The following RAD9A variants were observed in gnomAD, a reference collection of about 807,000 sequenced individuals.
The protein encoded by RAD9A is cell cycle checkpoint control protein RAD9A.
RAD9A carries 25 observed loss-of-function variants against 41.2 expected under a neutral mutation model. That is an observed-to-expected ratio of 0.61 (90% CI 0.44 to 0.85). RAD9A has a LOEUF of 0.85. Ranked by LOEUF, RAD9A falls within the 40% of genes least tolerant of loss-of-function variation. The pLI is 0.00. For missense variants in RAD9A, 514 were observed against 518.3 expected (o/e 0.99, Z 0.08); for synonymous variants, 252 against 210.6 (o/e 1.20, Z -1.70).
chr11:67,394,546 T>C (rs1234279106), intron 5 of RAD9A, among the ~76,000 whole-genome samples: 2 of 152,208 alleles, frequency 1.3e-5, no homozygotes, highest in African/African-American at 4.8e-5. Flanking sequence ...CCAGGTTCTT[T>C]TGAGCCAGCA....
intron 3 of RAD9A, 51 bp from the exon 4 acceptor site, chr11:67,393,445 G>A: frequency 6.2e-7 from 1 of 1,603,818 alleles, no homozygotes; most frequent in Non-Finnish European, 8.5e-7. Flanking sequence ...TGGGACAGGA[G>A]AGCTTGTTGC....
intron 2 of RAD9A, 106 bp downstream of exon 2, chr11:67,392,337 G>A (rs1862551492): frequency 9.2e-7 from 1 of 1,085,492 alleles, no homozygotes; most frequent in Non-Finnish European, 1.3e-6. Context: ...CAGATTTGTC[G>A]GCAAAGTTTC....
At position 67,395,786 on chromosome 11, in the gene RAD9A, C is replaced by T. The variant is rs770419460; in HGVS notation, c.520C>T (p.Arg174Cys). Residue 174 changes from arginine (R) to cysteine (C), a missense_variant, in exon 6 of 11, where the codon CGC becomes TGC. Physicochemically the swap from Arg to Cys is radical, Grantham distance 180 (BLOSUM62 -3). Coordinates refer to ENST00000307980, the MANE Select transcript of RAD9A (RefSeq NM_004584.3). Reference protein sequence around the residue: ...AEVTLGIGRGRRVILRSYHEE... With the variant: ...AEVTLGIGRGCRVILRSYHEE... ...AGTGACGCTGGGCATTGGCCGTGGC[C>T]GCAGGGTCATCCTGCGCAGCTACCA... 34 of 1,613,736 alleles carry T rather than the reference C, an allele frequency of 2.1e-5. No homozygotes were observed. Among genetic ancestry groups the T allele is most frequent in the Admixed American group, 3.3e-5 (2 of 59,992 alleles).
In RAD9A at chr11:67,393,490, A is replaced by G. The variant is rs2066496; in HGVS notation, c.235-6A>G. On this transcript the variant is annotated splice_region_variant and splice_polypyrimidine_tract_variant and intron_variant, in intron 3 of 10. Transcript: ENST00000307980. ...ATGCTAGGCTGAGGTGTCTTATCCC[A>G]TGCAGTCTTTCCTGTCTGTCTTCCG... 0.083 allele frequency: 134,105 copies of G among 1,613,762 alleles called. 8,143 individuals are homozygous for G. The highest frequency in any genetic ancestry group is 0.29 in the African/African-American group (21,617 of 74,908).
At position 67,392,249 on chromosome 11, in the gene RAD9A, G is replaced by C. The variant is rs774501120; in HGVS notation, c.105+18G>C. ...AGGACGGGGTGAGGGGCTAGGGTGTGGGGGGCGGGTGGGACTCCAGCCGGG... is the reference window on the plus strand; with the variant it reads ...AGGACGGGGTGAGGGGCTAGGGTGTCGGGGGCGGGTGGGACTCCAGCCGGG... On this transcript the variant is annotated intron_variant, in intron 2 of 10. Transcript: ENST00000307980. 6 of 1,523,286 alleles carry C rather than the reference G, an allele frequency of 3.9e-6. No individual in the cohort carries two copies. The highest frequency in any genetic ancestry group is 5.4e-6 in the Non-Finnish European group (6 of 1,110,904). The allele number at this position is 1,523,286 out of a possible 1,614,324, so 94.4% of individuals were successfully genotyped here.
chr11:67,391,990 C>T lies in RAD9A; in HGVS notation c.-55C>T, dbSNP rs1312688287. On this transcript the variant is annotated 5_prime_UTR_variant, in exon 1 of 11. Transcript: ENST00000307980. The stretch of plus-strand genomic sequence containing the variant: ...CGGTGCGCGGGAAGGGACCCCGGAC[C>T]CGGAGGTCGCGGAGAGCTGGGCAGT... 3.9e-6 allele frequency: 6 copies of T among 1,528,774 alleles called. No individual in the cohort carries two copies. The highest frequency in any genetic ancestry group is 3.6e-5 in the South Asian group (3 of 82,830). The allele number at this position is 1,528,774 out of a possible 1,614,324, so 94.7% of individuals were successfully genotyped here. A position where few individuals can be genotyped will look rare whatever the true frequency, so the allele number is the denominator to read the frequency against.
At chr11:67,395,446 C>T (rs1031745064) in intron 5 of RAD9A, 2 of 490,090 alleles carry the variant, frequency 4.1e-6, no homozygotes, top group African/African-American at 3.9e-5. Context: ...TTTCAGGGCT[C>T]TTTCTGAAGG....
chr11:67,392,248 T>TGGGGGGTTGGGGGGG lies in RAD9A; in HGVS notation c.105+23_105+24insTTGGGGGGGGGGGGG. ...GAGGACGGGGTGAGGGGCTAGGGTG[T>TGGGGGGTTGGGGGGG]GGGGGGCGGGTGGGACTCCAGCCGG... is the stretch of plus-strand genomic sequence containing the variant. On this transcript the variant is annotated intron_variant, in intron 2 of 10. Transcript: ENST00000307980. 2.5e-5 allele frequency: 8 copies of TGGGGGGTTGGGGGGG among 321,854 alleles called. No individual in the cohort carries two copies. Among genetic ancestry groups the TGGGGGGTTGGGGGGG allele is most frequent in the East Asian group, 7.0e-5 (1 of 14,224 alleles). The allele number at this position is 321,854 out of a possible 1,614,324, so 19.9% of individuals were successfully genotyped here.
chr11:67,397,696 C>T lies in RAD9A; in HGVS notation c.*137C>T, dbSNP rs1862756323. 3 of 790,652 alleles carry T rather than the reference C, an allele frequency of 3.8e-6. No individual in the cohort carries two copies. In the South Asian group the frequency reaches 5.3e-5, roughly 14 times the overall value. 49.0% of individuals were successfully genotyped at this position (790,652 alleles called of 1,614,324 possible). ...GAGCTGTTTCACTGCCTCTCGCAGG[C>T]CCCAGCTGGCTGTCACTGTAAAGCT... On this transcript the variant is annotated 3_prime_UTR_variant, in exon 11 of 11. Coordinates refer to ENST00000307980, the MANE Select transcript of RAD9A (RefSeq NM_004584.3).
Position 67,393,619 on chromosome 11 carries a change from G to GCAGCCGGC in RAD9A, c.349+15_349+22dup. 6.2e-7 allele frequency: 1 copy of GCAGCCGGC among 1,614,052 alleles called. No individual in the cohort carries two copies. The highest frequency in any genetic ancestry group is 1.7e-4 in the Middle Eastern group (1 of 6,060). On this transcript the variant is annotated intron_variant, in intron 4 of 10. Transcript: ENST00000307980. ...GCTGCATTGCAAGTTCGGTGAGTGG[G>GCAGCCGGC]CAGCCGGCCAGCCAAGGGGTGCCTC...
chr11:67,397,153 C>T lies in RAD9A; in HGVS notation c.873-26C>T, dbSNP rs912628130. ...CCTGCCTCTGCTCCCCCAGTCCCCT[C>T]CCTGATACTCCGATTCTGCCTACAG... On this transcript the variant is annotated intron_variant, in intron 9 of 10. Transcript: ENST00000307980. 2.5e-6 allele frequency: 4 copies of T among 1,576,906 alleles called. No individual in the cohort carries two copies. The African/African-American group carries it at 5.4e-5, about 21-fold the overall frequency.
Position 67,397,609 on chromosome 11 carries a change from C to T in RAD9A, c.*50C>T. 5 of 1,469,994 alleles carry T rather than the reference C, an allele frequency of 3.4e-6. No individual in the cohort carries two copies. Among genetic ancestry groups the T allele is most frequent in the Non-Finnish European group, 4.7e-6 (5 of 1,070,016 alleles). The allele number at this position is 1,469,994 out of a possible 1,614,324, so 91.1% of individuals were successfully genotyped here. On this transcript the variant is annotated 3_prime_UTR_variant, in exon 11 of 11. Coordinates refer to ENST00000307980, the MANE Select transcript of RAD9A (RefSeq NM_004584.3). ...AGAGGCCTTGGACTAGACGAAGCCC[C>T]AGCCAGTGGCAGAACTGGGTCTCTC... is the stretch of plus-strand genomic sequence containing the variant.
intron 5 of RAD9A, 70 bp from the exon 6 acceptor site, chr11:67,395,646 C>A: frequency 8.1e-7 from 1 of 1,241,168 alleles, no homozygotes; most frequent in Non-Finnish European, 1.1e-6. Flanking sequence ...TCACCCCCAC[C>A]TCAGGTCCTC....
At chr11:67,395,676 A>G (rs774331020) in intron 5 of RAD9A, 40 bp from the exon 6 acceptor site, 2 of 1,485,052 alleles carry the variant, frequency 1.3e-6, no homozygotes, top group Admixed American at 3.9e-5. Context: ...AGCCCTGGGC[A>G]GGGCCAGGCA....
Position 67,396,245 on chromosome 11 carries a change from G to GC in RAD9A, c.735-13dup, listed in dbSNP as rs1862691030. ...AGCTGAATGGGATGACCTAGCTTGG[G>GC]CCCCCTCCCCTGCCCAGGCCCGCCA... On this transcript the variant is annotated splice_polypyrimidine_tract_variant and intron_variant, in intron 8 of 10. Transcript: ENST00000307980. 4 of 1,613,864 alleles carry GC rather than the reference G, an allele frequency of 2.5e-6. No individual in the cohort carries two copies. In the East Asian group the frequency reaches 8.9e-5, roughly 36 times the overall value.
In RAD9A at chr11:67,393,527, T is replaced by C; in HGVS notation, c.266T>C (p.Met89Thr). The C allele has an allele frequency of 6.2e-7, 1 of 1,614,208 alleles. No individual in the cohort carries two copies. Among genetic ancestry groups the C allele is most frequent in the East Asian group, 2.2e-5 (1 of 44,876 alleles). ...CTGTCTGTCTTCCGCTCACTGGCGA[T>C]GCTGGAGAAGACGGTGGAAAAATGC... ...SFLSVFRSLA[M>T]LEKTVEKCCI... The change falls in exon 4 of 11, where the codon ATG (methionine) becomes ACG (threonine). Residue 89 changes from methionine (M) to threonine (T), a missense_variant. Coordinates refer to ENST00000307980, the MANE Select transcript of RAD9A (RefSeq NM_004584.3).
Position 67,398,393 on chromosome 11 carries a change from A to T in RAD9A, c.*834A>T. On this transcript the variant is annotated 3_prime_UTR_variant, in exon 11 of 11. Coordinates refer to ENST00000307980, the MANE Select transcript of RAD9A (RefSeq NM_004584.3). ...CTGGACGCTGCTATTGATTCATTAA[A>T]AAAAGAAAAGAAAAATACACCAAGG... 1.2e-6 allele frequency: 1 copy of T among 859,938 alleles called. No homozygotes were observed. Among genetic ancestry groups the T allele is most frequent in the Non-Finnish European group, 1.8e-6 (1 of 567,002 alleles). 53.3% of individuals were successfully genotyped at this position (859,938 alleles called of 1,614,324 possible). A position where few individuals can be genotyped will look rare whatever the true frequency, so the allele number is the denominator to read the frequency against.
Position 67,397,036 on chromosome 11 carries a change from C to T in RAD9A, c.873-143C>T, listed in dbSNP as rs1186309942. 5 of 628,834 alleles carry T rather than the reference C, an allele frequency of 8.0e-6. No individual in the cohort carries two copies. The Admixed American group carries it at 8.1e-5, about 10-fold the overall frequency. 39.0% of individuals were successfully genotyped at this position (628,834 alleles called of 1,614,324 possible). A position where few individuals can be genotyped will look rare whatever the true frequency, so the allele number is the denominator to read the frequency against. ...AGTCACCACTTAACCCCTGCATCCT[C>T]TCCTCTCCAGCCAAATCAGGAAGTC... On this transcript the variant is annotated intron_variant, in intron 9 of 10. Transcript: ENST00000307980.
At chr11:67,395,658 G>C in intron 5 of RAD9A, 58 bp from the exon 6 acceptor site, 1 of 1,393,126 alleles carries the variant, frequency 7.2e-7, no homozygotes, top group Non-Finnish European at 9.9e-7. Flanking sequence ...CAGGTCCTCC[G>C]AGAGCAAAGC....
Sources: allele counts gnomAD v4.1 joint callset (sites outside exome capture counted in the v4.1 genomes callset), GRCh38; gene constraint gnomAD v4.1.1; transcripts MANE v1.5; gene names NCBI Gene and HGNC (gene_info 2026-07-23, HGNC 2026-07-21).